FRMPD1: variants seen among roughly 807,000 people sequenced by gnomAD.
FRMPD1 encodes FERM and PDZ domain containing 1, also known as FERM and PDZ domain-containing protein 1.
Under a neutral mutation model 117.8 loss-of-function variants are expected in FRMPD1, and 76 were observed. The observed-to-expected ratio is 0.65, with a 90% CI of 0.54 to 0.78. FRMPD1 has a LOEUF of 0.78. Among genes scored for constraint, FRMPD1 ranks in the 30% least tolerant of loss-of-function variants. FRMPD1 has a pLI of 0.00. For missense variants in FRMPD1, 1,786 were observed against 1,964.5 expected, an observed-to-expected ratio of 0.91 and a Z score of 1.72; for synonymous variants, 783 against 770.4, an observed-to-expected ratio of 1.02 and a Z score of -0.27.
chr9:37,681,084 G>A (rs916330242), intron 1 of FRMPD1, among the ~76,000 whole-genome samples: 14 of 151,688 alleles, frequency 9.2e-5, no homozygotes, highest in African/African-American at 2.4e-4. Flanking sequence ...GTGGTGGCAC[G>A]TGCCTGTAAT....
intron 6 of FRMPD1, among the ~76,000 whole-genome samples, chr9:37,721,618 A>G (rs1282654519): frequency 1.3e-5 from 2 of 152,350 alleles, no homozygotes; most frequent in South Asian, 2.1e-4. Context: ...AATGACTGCT[A>G]TAAAAAATGA....
Position 37,733,719 on chromosome 9 carries a change from T to C in FRMPD1, c.1123-11T>C, listed in dbSNP as rs1356848069. 7 of 1,594,780 alleles carry C rather than the reference T, an allele frequency of 4.4e-6. No individual in the cohort carries two copies. The South Asian group carries it at 5.5e-5, about 13-fold the overall frequency. Reference sequence around the variant, plus strand: ...AACTCTGACTTCAAGTGTTTTTTTTTCTCTATTAAGCAACTTATTTCTGCT... The same window carrying C: ...AACTCTGACTTCAAGTGTTTTTTTTCCTCTATTAAGCAACTTATTTCTGCT... On this transcript the variant is annotated splice_polypyrimidine_tract_variant and intron_variant, in intron 11 of 15. Coordinates refer to ENST00000377765, the MANE Select transcript of FRMPD1 (RefSeq NM_014907.3).
chr9:37,692,597 T>C (rs1193898054), intron 1 of FRMPD1, 41 bp from the exon 2 acceptor site: 1 of 1,223,926 alleles, frequency 8.2e-7, no homozygotes, highest in Non-Finnish European at 1.2e-6. Context: ...CTCTTTAGAG[T>C]ATTTTGGTTA....
At position 37,746,451 on chromosome 9, in the gene FRMPD1, T is replaced by C. The variant is rs1216936507; in HGVS notation, c.4419T>C (p.Cys1473=). The C allele has an allele frequency of 3.7e-6, 6 of 1,613,594 alleles. No homozygotes were observed. The Admixed American group carries it at 1.0e-4, about 27-fold the overall frequency. Residue 1473 remains cysteine (C), a synonymous_variant, in exon 16 of 16, where the codon TGT becomes TGC. Transcript: ENST00000377765. The part of the protein sequence containing the change: ...CMGSQKLLSS[C]RHVIRMDQSP... The stretch of plus-strand genomic sequence containing the variant: ...GCTCCCAGAAGCTCCTGTCGAGCTG[T>C]CGGCATGTGATCAGAATGGACCAGT...
At position 37,744,989 on chromosome 9, in the gene FRMPD1, C is replaced by G; in HGVS notation, c.2957C>G (p.Pro986Arg). Reference protein sequence around the residue: ...SSGPDTAQARPSQILPLSQDL... With the variant: ...SSGPDTAQARRSQILPLSQDL... ...GGCCCAGATACTGCTCAGGCAAGGC[C>G]TTCCCAAATCTTACCTCTATCTCAA... The change falls in exon 16 of 16, where the codon CCT becomes CGT. Residue 986 changes from proline to arginine, a missense_variant. Physicochemically the swap from Pro to Arg is moderately radical, Grantham distance 103 (BLOSUM62 -2). Transcript: ENST00000377765. The G allele has an allele frequency of 6.2e-7, 1 of 1,614,222 alleles. No homozygotes were observed. Among genetic ancestry groups the G allele is most frequent in the East Asian group, 2.2e-5 (1 of 44,884 alleles).
In FRMPD1 at chr9:37,744,485, A is replaced by G. The variant is rs777959549; in HGVS notation, c.2453A>G (p.Asp818Gly). 5 of 1,614,158 alleles carry G rather than the reference A, an allele frequency of 3.1e-6. No individual in the cohort carries two copies. Among genetic ancestry groups the G allele is most frequent in the Non-Finnish European group, 4.2e-6 (5 of 1,180,010 alleles). ...GAGAACAGCCTGCCTTGTGGGCCAGATGGAAGACAGCCAAGCAGGAGGGGA... is the reference window on the plus strand; with the variant it reads ...GAGAACAGCCTGCCTTGTGGGCCAGGTGGAAGACAGCCAAGCAGGAGGGGA... The part of the protein sequence containing the change: ...SPENSLPCGP[D>G]GRQPSRRGGV... The change falls in exon 16 of 16, where the codon GAT becomes GGT. Residue 818 changes from aspartate (D) to glycine (G), a missense_variant. Asp to Gly is a moderately conservative substitution (Grantham distance 94). Coordinates refer to ENST00000377765, the MANE Select transcript of FRMPD1 (RefSeq NM_014907.3).
intron 14 of FRMPD1, among the ~76,000 whole-genome samples, chr9:37,738,135 A>C (rs1315895627): frequency 5.3e-5 from 8 of 152,210 alleles, no homozygotes; most frequent in Admixed American, 5.2e-4. Context: ...CATGGTGTCA[A>C]CATTCTCACG....
At chr9:37,698,070 T>A (rs1299453216) in intron 2 of FRMPD1, among the ~76,000 whole-genome samples, 1 of 152,016 alleles carries the variant, frequency 6.6e-6, no homozygotes. Context: ...GCCAAGATCG[T>A]GCCACTGCAC....
At chr9:37,728,723 G>A (rs898408675) in intron 7 of FRMPD1, among the ~76,000 whole-genome samples, 2 of 152,158 alleles carry the variant, frequency 1.3e-5, no homozygotes, top group Non-Finnish European at 2.9e-5. Flanking sequence ...AGCACTTTGG[G>A]AGGCTGAGAC....
chr9:37,733,685 C>T (rs1588966957), intron 11 of FRMPD1, 45 bp from the exon 12 acceptor site: 1 of 1,582,248 alleles, frequency 6.3e-7, no homozygotes, highest in Non-Finnish European at 8.7e-7. Context: ...GGATTTTAGA[C>T]CAATGAATAA....
At chr9:37,655,897 G>A (rs1820829038) in intron 1 of FRMPD1, among the ~76,000 whole-genome samples, 1 of 152,074 alleles carries the variant, frequency 6.6e-6, no homozygotes, top group Non-Finnish European at 1.5e-5. Flanking sequence ...TGGTGGTCCT[G>A]CCTATGCCTG....
At chr9:37,660,438 C>G (rs1055052622) in intron 1 of FRMPD1, among the ~76,000 whole-genome samples, 5 of 152,080 alleles carry the variant, frequency 3.3e-5, no homozygotes, top group Non-Finnish European at 1.5e-5. Context: ...TCCTGGTCAT[C>G]ATCCGATGGA....
chr9:37,615,363 G>A, the FRMPD1 span, among the ~76,000 whole-genome samples: 35 of 151,962 alleles, frequency 2.3e-4, no homozygotes, highest in African/African-American at 8.5e-4. Flanking sequence ...TACCCACCTC[G>A]GCCTCTGAAA....
At chr9:37,674,605 A>C (rs1247797941) in intron 1 of FRMPD1, among the ~76,000 whole-genome samples, 1 of 152,182 alleles carries the variant, frequency 6.6e-6, no homozygotes, top group Non-Finnish European at 1.5e-5. Flanking sequence ...CATACCTGAG[A>C]CTCGGAAGAA....
chr9:37,708,561 G>C, intron 4 of FRMPD1, 60 bp downstream of exon 4: 1 of 1,027,210 alleles, frequency 9.7e-7, no homozygotes, highest in South Asian at 1.3e-5. Context: ...ACAAAGATGG[G>C]CAACAGGAAT....
At chr9:37,617,712 C>A in the FRMPD1 span, among the ~76,000 whole-genome samples, 7 of 152,316 alleles carry the variant, frequency 4.6e-5, no homozygotes, top group East Asian at 1.2e-3. Context: ...GTCATCTTAA[C>A]CATTTTTAAA....
At position 37,746,566 on chromosome 9, in the gene FRMPD1, C is replaced by G. The variant is rs200740737; in HGVS notation, c.4534C>G (p.Arg1512Gly). ...GTGCTTTCAGTTCACAGACTGTAGC[C>G]GCTGCTCCGCCCGGCACAGGGAGGC... ...GLCFQFTDCS[R>G]CSARHREAAG... The change falls in exon 16 of 16, where the codon CGC becomes GGC. Residue 1512 changes from arginine (R) to glycine (G), a missense_variant. Transcript: ENST00000377765. The G allele has an allele frequency of 6.8e-6, 11 of 1,613,626 alleles. No individual in the cohort carries two copies.
At chr9:37,655,824 G>C (rs1055888404) in intron 1 of FRMPD1, among the ~76,000 whole-genome samples, 9 of 152,008 alleles carry the variant, frequency 5.9e-5, no homozygotes, top group African/African-American at 2.2e-4. Flanking sequence ...AATCCCCCTA[G>C]CCTCAGGTCT....
chr9:37,676,641 G>A (rs1588918806), intron 1 of FRMPD1, among the ~76,000 whole-genome samples: 1 of 152,284 alleles, frequency 6.6e-6, no homozygotes, highest in South Asian at 2.1e-4. Context: ...TGCTTAATTA[G>A]GGCTTAATTA....
Sources: allele counts gnomAD v4.1 joint callset (sites outside exome capture counted in the v4.1 genomes callset), GRCh38; gene constraint gnomAD v4.1.1; transcripts MANE v1.5; gene names NCBI Gene and HGNC (gene_info 2026-07-23, HGNC 2026-07-21).